MTTP: variants seen among roughly 807,000 people sequenced by gnomAD.
MTTP encodes microsomal triglyceride transfer protein, also known as microsomal triglyceride transfer protein large subunit.
In MTTP, 49 loss-of-function variants were observed where a neutral mutation model predicts 90.6. The ratio of observed to expected loss-of-function variants is 0.54; its 90% CI spans 0.43 to 0.69. The LOEUF (loss-of-function observed/expected upper bound fraction) is 0.69, where lower values mean the gene tolerates loss of function less well. MTTP is among the 30% of genes least tolerant of loss of function. The probability of loss-of-function intolerance (pLI) is 0.00; values close to 1 mark genes in which losing one functional copy is unlikely to be tolerated. For missense variants in MTTP, 945 were observed against 1,067.5 expected (o/e 0.89, Z 1.60); for synonymous variants, 347 against 384.2 (o/e 0.90, Z 1.13).
chr4:99,599,453 A>G (rs2035813), intron 8 of MTTP, among the ~76,000 whole-genome samples: 3,535 of 152,296 alleles, frequency 0.023, 107 homozygotes, highest in Middle Eastern at 0.1. Context: ...ATGACTAGGT[A>G]TATCTGCGTC....
intron 15 of MTTP, among the ~76,000 whole-genome samples, chr4:99,616,440 T>C (rs1044782571): frequency 6.6e-6 from 1 of 152,024 alleles, no homozygotes; most frequent in African/African-American, 2.4e-5. Context: ...CTAGAGACAA[T>C]TGGAGTGTTT....
At chr4:99,611,018 T>C in intron 12 of MTTP, 125 bp from the exon 13 acceptor site, 1 of 955,264 alleles carries the variant, frequency 1.0e-6, no homozygotes, top group Non-Finnish European at 1.6e-6. Context: ...ACCCTGGCTC[T>C]TGGAAAGGCA....
At chr4:99,603,483 G>A (rs1725744041) in intron 10 of MTTP, among the ~76,000 whole-genome samples, 1 of 152,140 alleles carries the variant, frequency 6.6e-6, no homozygotes, top group Non-Finnish European at 1.5e-5. Context: ...ATTAGTAAAG[G>A]TCTGAATTAA....
rs78693470 is a variant in MTTP at position 99,621,655 on chromosome 4, C to A, written c.2513+424C>A. Among the ~76,000 whole-genome samples the A allele has an allele frequency of 4.9e-3, 747 of 152,238 alleles. 8 individuals are homozygous for A. Among genetic ancestry groups the A allele is most frequent in the African/African-American group, 0.017 (723 of 41,542 alleles). On this transcript the variant is annotated intron_variant, in intron 17 of 17. Coordinates refer to ENST00000265517, the MANE Select transcript of MTTP (RefSeq NM_001386140.1). ...CCATGTTTAAGGGCCAAAATGAATT[C>A]GCAATTTTTAAGTATTCCATATAGC...
Position 99,591,631 on chromosome 4 carries a change from A to G in MTTP, c.619-20A>G. 5.6e-6 allele frequency: 9 copies of G among 1,606,828 alleles called. No homozygotes were observed. The highest frequency in any genetic ancestry group is 7.7e-6 in the Non-Finnish European group (9 of 1,174,364). On this transcript the variant is annotated intron_variant, in intron 5 of 17. Transcript: ENST00000265517. Reference sequence around the variant, plus strand: ...TAAACGATGATTACTTGTTATAAAGATGGCTATTTATTTATTTAGGTCTTG... The same window carrying G: ...TAAACGATGATTACTTGTTATAAAGGTGGCTATTTATTTATTTAGGTCTTG...
Position 99,606,887 on chromosome 4 carries a change from CAGG to C in MTTP, c.1487_1489del (p.Gly496del), listed in dbSNP as rs1394831286. The stretch of plus-strand genomic sequence containing the variant: ...CCAAGTCTTCTGAAGTATGCAGAAG[CAGG>C]AGAAGGGCCCATCAGCCACCTGGCT... On this transcript the variant is annotated inframe_deletion, in exon 11 of 18. Coordinates refer to ENST00000265517, the MANE Select transcript of MTTP (RefSeq NM_001386140.1). 3.7e-6 allele frequency: 6 copies of C among 1,613,834 alleles called. No individual in the cohort carries two copies. The highest frequency in any genetic ancestry group is 5.1e-6 in the Non-Finnish European group (6 of 1,179,970).
At chr4:99,584,413 T>G (rs1466401155) in intron 3 of MTTP, among the ~76,000 whole-genome samples, 1 of 152,152 alleles carries the variant, frequency 6.6e-6, no homozygotes, top group Non-Finnish European at 1.5e-5. Flanking sequence ...ACTGATAAAG[T>G]AATACTTTAT....
chr4:99,575,794 T>C (rs970504101), intron 1 of MTTP, among the ~76,000 whole-genome samples: 62 of 152,342 alleles, frequency 4.1e-4, no homozygotes, highest in African/African-American at 1.4e-3. Context: ...TTTAGTTTCT[T>C]AGGAAGACAC....
chr4:99,572,469 AC>A (rs1450320972), upstream of MTTP, among the ~76,000 whole-genome samples: 2 of 152,012 alleles, frequency 1.3e-5, no homozygotes, highest in African/African-American at 2.4e-5. Context: ...AAAGAAGAAT[AC>A]TTGGGTCTAG....
chr4:99,601,725 A>G lies in MTTP; in HGVS notation c.1344+11A>G. ...GGCTGCAAACTCAAAGTAAGTGCAA[A>G]TCCAATCTCATGTATTACATCATTC... On this transcript the variant is annotated intron_variant, in intron 10 of 17. Transcript: ENST00000265517. The G allele has an allele frequency of 6.4e-7, 1 of 1,573,418 alleles. No individual in the cohort carries two copies. Among genetic ancestry groups the G allele is most frequent in the South Asian group, 1.1e-5 (1 of 90,264 alleles).
chr4:99,566,435 A>G (rs1724704287), intron 1 of MTTP, among the ~76,000 whole-genome samples: 1 of 152,230 alleles, frequency 6.6e-6, no homozygotes, highest in African/African-American at 2.4e-5. Flanking sequence ...GTTTAAGCTA[A>G]TATAAGAGGT....
chr4:99,617,550 T>C (rs1310154645), intron 15 of MTTP, among the ~76,000 whole-genome samples: 1 of 152,134 alleles, frequency 6.6e-6, no homozygotes, highest in Non-Finnish European at 1.5e-5. Flanking sequence ...AAGAAGTTAG[T>C]CATCCTGCCG....
intron 1 of MTTP, among the ~76,000 whole-genome samples, chr4:99,579,224 T>G (rs530990226): frequency 2.0e-5 from 3 of 152,342 alleles, no homozygotes; most frequent in Admixed American, 2.0e-4. Flanking sequence ...CTTTGAAGGT[T>G]CGACAGATTA....
intron 6 of MTTP, among the ~76,000 whole-genome samples, chr4:99,592,269 A>ATC (rs1311324975): frequency 6.6e-6 from 1 of 152,220 alleles, no homozygotes; most frequent in Non-Finnish European, 1.5e-5. Context: ...GTCATAGACT[A>ATC]GGACGTTACT....
chr4:99,616,370 A>G (rs1726100271), intron 15 of MTTP, among the ~76,000 whole-genome samples: 1 of 152,206 alleles, frequency 6.6e-6, no homozygotes, highest in Non-Finnish European at 1.5e-5. Context: ...ACTGCACTCC[A>G]GCCCGGGTGA....
At chr4:99,581,063 A>G (rs200637691) in intron 1 of MTTP, among the ~76,000 whole-genome samples, 1 of 152,334 alleles carries the variant, frequency 6.6e-6, no homozygotes. Context: ...TTTTTTAACT[A>G]TCTCCTGAGA....
intron 16 of MTTP, chr4:99,620,788 C>A: frequency 2.2e-6 from 1 of 446,410 alleles, no homozygotes; most frequent in South Asian, 2.7e-5. Context: ...CCATACAAAA[C>A]AATGTAGTAT....
At position 99,619,082 on chromosome 4, in the gene MTTP, A is replaced by G; in HGVS notation, c.2326A>G (p.Thr776Ala). 1 of 1,613,478 alleles carries G rather than the reference A, an allele frequency of 6.2e-7. No homozygotes were observed. The highest frequency in any genetic ancestry group is 1.7e-5 in the Admixed American group (1 of 60,002). ...TAGCTTGTGGTATCGTGAGTCTAAA[A>G]CCCGAGTGAAAAATAGGTAAGTGTT... is the stretch of plus-strand genomic sequence containing the variant. ...EFSLWYRESK[T>A]RVKNRVTVVI... The change falls in exon 16 of 18, where the codon ACC (threonine) becomes GCC (alanine). Residue 776 changes from threonine (T) to alanine (A), a missense_variant. Transcript: ENST00000265517.
chr4:99,593,523 G>A (rs1725479755), intron 6 of MTTP, among the ~76,000 whole-genome samples: 2 of 152,110 alleles, frequency 1.3e-5, no homozygotes, highest in African/African-American at 4.8e-5. Flanking sequence ...GGACAGAATT[G>A]TTCTAACAGG....
Sources: allele counts gnomAD v4.1 joint callset (sites outside exome capture counted in the v4.1 genomes callset), GRCh38; gene constraint gnomAD v4.1.1; transcripts MANE v1.5; gene names NCBI Gene and HGNC (gene_info 2026-07-23, HGNC 2026-07-21).